Variants in KPNA5 observed in about 807,000 individuals in gnomAD.
KPNA5 encodes the protein importin subunit alpha-6.
In KPNA5, 46 loss-of-function variants were observed where a neutral mutation model predicts 71.3. The ratio of observed to expected loss-of-function variants is 0.65; its 90% CI spans 0.51 to 0.83. KPNA5 has a LOEUF of 0.83. Ranked by LOEUF, KPNA5 falls within the 40% of genes least tolerant of loss-of-function variation. KPNA5 has a pLI of 0.00. For missense variants in KPNA5, 547 were observed against 628.3 expected, an observed-to-expected ratio of 0.87 and a Z score of 1.38; for synonymous variants, 207 against 201.4, an observed-to-expected ratio of 1.03 and a Z score of -0.24.
At chr6:116,696,963 A>G (rs1455588931) in intron 4 of KPNA5, among the ~76,000 whole-genome samples, 4 of 151,958 alleles carry the variant, frequency 2.6e-5, no homozygotes, top group African/African-American at 9.7e-5. Flanking sequence ...GGTATATATC[A>G]TATCATATCT....
At chr6:116,725,944 A>G in intron 11 of KPNA5, 68 bp downstream of exon 11, 1 of 1,513,902 alleles carries the variant, frequency 6.6e-7, no homozygotes, top group Admixed American at 2.2e-5. Context: ...AAAAGTTAAC[A>G]CTTTTACTAA....
intron 6 of KPNA5, among the ~76,000 whole-genome samples, chr6:116,704,563 G>A (rs913751634): frequency 2.0e-5 from 3 of 152,096 alleles, no homozygotes; most frequent in African/African-American, 7.2e-5. Context: ...TTGTTGAACA[G>A]TATAGATATT....
intron 1 of KPNA5, chr6:116,681,543 C>T: frequency 1.5e-6 from 2 of 1,341,422 alleles, no homozygotes; most frequent in Non-Finnish European, 1.9e-6. Flanking sequence ...CTTGCGGACG[C>T]GAAGGCGTGG....
chr6:116,684,477 A>G (rs952837312), intron 1 of KPNA5, among the ~76,000 whole-genome samples: 1 of 152,192 alleles, frequency 6.6e-6, no homozygotes, highest in South Asian at 2.1e-4. Context: ...GGATGAATCA[A>G]TGAATGAATA....
Position 116,702,038 on chromosome 6 carries a change from T to G in KPNA5, c.455T>G (p.Leu152Ter). The change falls in exon 6 of 14, where the codon TTA becomes TGA. Residue 152 changes from leucine to a stop codon, truncating the protein, a stop_gained. Transcript: ENST00000368564. LOFTEE classifies it high-confidence loss of function. ...CTLQFEAAWA[L>*]TNIASGTFLH... Reference sequence around the variant, plus strand: ...TCTTAGTTTGAAGCTGCATGGGCATTAACAAATATAGCATCTGGAACTTTT... The same window carrying G: ...TCTTAGTTTGAAGCTGCATGGGCATGAACAAATATAGCATCTGGAACTTTT... 6.2e-7 allele frequency: 1 copy of G among 1,612,968 alleles called. No individual in the cohort carries two copies. The highest frequency in any genetic ancestry group is 8.5e-7 in the Non-Finnish European group (1 of 1,179,692).
intron 5 of KPNA5, among the ~76,000 whole-genome samples, chr6:116,701,703 G>A (rs1778236516): frequency 6.6e-6 from 1 of 152,130 alleles, no homozygotes; most frequent in Admixed American, 6.5e-5. Flanking sequence ...GCTTGCCTCT[G>A]TAATAATAAA....
At chr6:116,730,088 T>G (rs1399592482) in intron 13 of KPNA5, among the ~76,000 whole-genome samples, 1 of 146,100 alleles carries the variant, frequency 6.8e-6, no homozygotes, top group Non-Finnish European at 1.5e-5. Flanking sequence ...TATGTAATTT[T>G]TTTTTTTTTT....
Position 116,740,412 on chromosome 6 carries a change from C to G in KPNA5, c.*8089C>G, listed in dbSNP as rs1298359463. ...CTGTTGGTGGGACTGTAAACTAGTT[C>G]AAGCATTGTGGAAGTCAGTTTGGCG... On this transcript the variant is annotated 3_prime_UTR_variant, in exon 14 of 14. Transcript: ENST00000368564. The G allele has an allele frequency of 6.6e-6, 1 of 152,166 alleles. No individual in the cohort carries two copies. Among genetic ancestry groups the G allele is most frequent in the Non-Finnish European group, 1.5e-5 (1 of 68,034 alleles). The allele number at this position is 152,166 out of a possible 1,614,324, so 9.4% of individuals were successfully genotyped here.
intron 1 of KPNA5, among the ~76,000 whole-genome samples, chr6:116,685,242 G>A (rs775589013): frequency 7.2e-5 from 11 of 152,158 alleles, no homozygotes; most frequent in Non-Finnish European, 1.3e-4. Flanking sequence ...CTCAAATACC[G>A]TGCTAAATGA....
chr6:116,736,487 C>T lies in KPNA5; in HGVS notation c.*4164C>T, dbSNP rs1330770685. ...AGTTCACTTTTTTACTGGCACTAGC[C>T]ATATTTCAAGTGCTCAGTAGGGAGT... On this transcript the variant is annotated 3_prime_UTR_variant, in exon 14 of 14. Coordinates refer to ENST00000368564, the MANE Select transcript of KPNA5 (RefSeq NM_001366306.2). The T allele has an allele frequency of 1.3e-5, 2 of 151,922 alleles. No homozygotes were observed. Among genetic ancestry groups the T allele is most frequent in the East Asian group, 1.9e-4 (1 of 5,190 alleles). The allele number at this position is 151,922 out of a possible 1,614,324, so 9.4% of individuals were successfully genotyped here.
intron 7 of KPNA5, 29 bp from the exon 8 acceptor site, chr6:116,716,190 A>G: frequency 6.6e-7 from 1 of 1,515,970 alleles, no homozygotes; most frequent in Non-Finnish European, 9.1e-7. Flanking sequence ...ATGTAAGGTG[A>G]TAATTCTTTT....
chr6:116,715,796 A>G (rs1414738014), intron 7 of KPNA5, among the ~76,000 whole-genome samples: 2 of 151,984 alleles, frequency 1.3e-5, no homozygotes, highest in Non-Finnish European at 2.9e-5. Flanking sequence ...GGCGCCTGTA[A>G]TCCCAGCTAC....
chr6:116,695,714 G>A (rs1778001008), intron 4 of KPNA5, among the ~76,000 whole-genome samples: 1 of 152,100 alleles, frequency 6.6e-6, no homozygotes, highest in Admixed American at 6.5e-5. Flanking sequence ...TTGCAATCAA[G>A]AATGGCTTCT....
intron 8 of KPNA5, among the ~76,000 whole-genome samples, chr6:116,719,227 G>C (rs552937492): frequency 6.3e-4 from 96 of 152,186 alleles, no homozygotes; most frequent in African/African-American, 2.0e-3. Flanking sequence ...TTATTTGTTT[G>C]TTTGTTTTTT....
intron 12 of KPNA5, among the ~76,000 whole-genome samples, chr6:116,729,235 A>AAC (rs1484117431): frequency 6.8e-6 from 1 of 148,020 alleles, no homozygotes; most frequent in Admixed American, 6.7e-5. Flanking sequence ...AAAAAAAAAA[A>AAC]CAACCTTTCG....
chr6:116,711,599 C>G (rs1403274919), intron 7 of KPNA5, among the ~76,000 whole-genome samples: 3 of 150,534 alleles, frequency 2.0e-5, no homozygotes, highest in Non-Finnish European at 4.4e-5. Context: ...GTATGTTACT[C>G]TACTCATAGT....
intron 5 of KPNA5, 45 bp from the exon 6 acceptor site, chr6:116,701,974 A>C (rs1197684574): frequency 6.3e-7 from 1 of 1,578,454 alleles, no homozygotes; most frequent in Non-Finnish European, 8.6e-7. Flanking sequence ...CCTTTCTGAC[A>C]ATTCTTTGGT....
chr6:116,692,301 T>A lies in KPNA5; in HGVS notation c.249T>A (p.Val83=), dbSNP rs1381840668. Residue 83 remains valine, a synonymous_variant, in exon 4 of 14, where the codon GTT becomes GTA. Transcript: ENST00000368564. The stretch of plus-strand genomic sequence containing the variant: ...TTGTGTGTGTGTTTTAGGAAGAAGT[T>A]GTTACTACAGATATGGTTCAGATGA... ...SSTVPIPEEE[V]VTTDMVQMIF... is the part of the protein sequence containing the mutation. The A allele has an allele frequency of 6.3e-7, 1 of 1,586,456 alleles. No individual in the cohort carries two copies. Among genetic ancestry groups the A allele is most frequent in the Admixed American group, 1.8e-5 (1 of 55,778 alleles).
Position 116,737,980 on chromosome 6 carries a change from G to C in KPNA5, c.*5657G>C, listed in dbSNP as rs1779732232. Reference sequence around the variant, plus strand: ...TTTAAGGTTGTTAAATGTTTAATTTGGGAAGGCTAAAAATTTACCTTGAAG... The same window carrying C: ...TTTAAGGTTGTTAAATGTTTAATTTCGGAAGGCTAAAAATTTACCTTGAAG... On this transcript the variant is annotated 3_prime_UTR_variant, in exon 14 of 14. Coordinates refer to ENST00000368564, the MANE Select transcript of KPNA5 (RefSeq NM_001366306.2). 6.6e-6 allele frequency: 1 copy of C among 151,660 alleles called. No homozygotes were observed. The highest frequency in any genetic ancestry group is 1.5e-5 in the Non-Finnish European group (1 of 67,878). The allele number at this position is 151,660 out of a possible 1,614,324, so 9.4% of individuals were successfully genotyped here.
Sources: gnomAD v4.1 joint callset for allele counts (sites outside exome capture counted in the v4.1 genomes callset) on GRCh38, gnomAD v4.1.1 for gene constraint, MANE v1.5 for transcripts, NCBI Gene and HGNC (gene_info 2026-07-23, HGNC 2026-07-21) for gene names.